TMEM154: variants seen among roughly 807,000 people sequenced by gnomAD.
The protein encoded by TMEM154 is transmembrane protein 154.
A neutral mutation model predicts 24.5 loss-of-function variants in TMEM154; 27 were observed. That is an observed-to-expected ratio of 1.10 (90% CI 0.81 to 1.52). The LOEUF is 1.52. Ranked by LOEUF, TMEM154 falls within the 40% of genes most tolerant of loss-of-function variation. TMEM154 has a pLI of 0.00. For missense variants in TMEM154, 228 were observed against 213.4 expected (o/e 1.07, Z -0.43); for synonymous variants, 67 against 76.8 (o/e 0.87, Z 0.67).
intron 6 of TMEM154, among the ~76,000 whole-genome samples, chr4:152,634,516 G>A (rs963714905): frequency 2.0e-5 from 3 of 152,168 alleles, no homozygotes; most frequent in Admixed American, 2.0e-4. Context: ...GAATGATTGA[G>A]GTAATGCATC....
chr4:152,638,828 G>C (rs1216693221), intron 6 of TMEM154, among the ~76,000 whole-genome samples: 2 of 152,210 alleles, frequency 1.3e-5, no homozygotes, highest in East Asian at 3.8e-4. Context: ...GTGAAGGCCT[G>C]ACAGCCATCC....
Position 152,626,689 on chromosome 4 carries a change from T to G in TMEM154, c.*1857A>C, listed in dbSNP as rs1444299969. On this transcript the variant is annotated 3_prime_UTR_variant, in exon 7 of 7. Transcript: ENST00000304385. Reference sequence around the variant, plus strand: ...CCCAGATGCCTCTCTGAGAAGTTCATTATTTGATAGGGTTGGATCAAATGT... The same window carrying G: ...CCCAGATGCCTCTCTGAGAAGTTCAGTATTTGATAGGGTTGGATCAAATGT... The G allele has an allele frequency of 6.6e-6, 1 of 152,218 alleles. No individual in the cohort carries two copies. The allele number at this position is 152,218 out of a possible 1,614,324, so 9.4% of individuals were successfully genotyped here. A position where few individuals can be genotyped will look rare whatever the true frequency, so the allele number is the denominator to read the frequency against.
At chr4:152,666,893 A>G (rs150710182) in intron 1 of TMEM154, 2,094 of 152,406 alleles carry the variant, frequency 0.014, 29 homozygotes, top group Non-Finnish European at 0.023. Flanking sequence ...ACCAATGCTC[A>G]GACTATAGAT....
intron 5 of TMEM154, chr4:152,641,274 G>A: frequency 2.9e-6 from 1 of 343,794 alleles, no homozygotes; most frequent in Non-Finnish European, 5.2e-6. Flanking sequence ...TGCTCCAAAA[G>A]CTAGAATCTG....
chr4:152,651,960 G>A (rs979953212), intron 3 of TMEM154, among the ~76,000 whole-genome samples: 1 of 152,200 alleles, frequency 6.6e-6, no homozygotes, highest in Non-Finnish European at 1.5e-5. Flanking sequence ...TCAGGGAATA[G>A]AGAGGCCTGA....
intron 6 of TMEM154, among the ~76,000 whole-genome samples, chr4:152,640,473 A>G (rs1752234405): frequency 6.6e-6 from 1 of 152,224 alleles, no homozygotes; most frequent in Admixed American, 6.5e-5. Flanking sequence ...TTTTCTATCA[A>G]CCAGAGCCAC....
chr4:152,660,756 A>G (rs1459081553), intron 1 of TMEM154, among the ~76,000 whole-genome samples: 19 of 152,180 alleles, frequency 1.2e-4, no homozygotes, highest in Admixed American at 1.2e-3. Context: ...TCCTCCGCCT[A>G]TACTAGGAGG....
Position 152,618,910 on chromosome 4 carries a change from G to T in TMEM154, c.*9636C>A, listed in dbSNP as rs557268398. 5 of 152,296 alleles carry T rather than the reference G, an allele frequency of 3.3e-5. No individual in the cohort carries two copies. Among genetic ancestry groups the T allele is most frequent in the African/African-American group, 1.2e-4 (5 of 41,558 alleles). The allele number at this position is 152,296 out of a possible 1,614,324, so 9.4% of individuals were successfully genotyped here. ...TAAACCAGGAAACTTGGGAGAAAAT[G>T]GTGATGGAAGATGAACAATACCATA... On this transcript the variant is annotated 3_prime_UTR_variant, in exon 7 of 7. Coordinates refer to ENST00000304385, the MANE Select transcript of TMEM154 (RefSeq NM_152680.3).
In TMEM154 at chr4:152,628,288, C is replaced by T. The variant is rs1751952762; in HGVS notation, c.*258G>A. 3.3e-6 allele frequency: 2 copies of T among 597,700 alleles called. No individual in the cohort carries two copies. Among genetic ancestry groups the T allele is most frequent in the Non-Finnish European group, 5.8e-6 (2 of 344,412 alleles). 37.0% of individuals were successfully genotyped at this position (597,700 alleles called of 1,614,324 possible). On this transcript the variant is annotated 3_prime_UTR_variant, in exon 7 of 7. Transcript: ENST00000304385. ...ATGTTGATCAGAAGTGAGCACATCA[C>T]CCGCCTCCTTCTCCACCCTCAGAGG...
intron 6 of TMEM154, among the ~76,000 whole-genome samples, chr4:152,638,196 G>T (rs775320359): frequency 6.6e-6 from 1 of 152,198 alleles, no homozygotes. Flanking sequence ...GGCCCAGGAG[G>T]TTGAGGCTAC....
intron 6 of TMEM154, among the ~76,000 whole-genome samples, chr4:152,635,274 T>C (rs1752126441): frequency 6.6e-6 from 1 of 152,218 alleles, no homozygotes. Flanking sequence ...AGTGTTCTTC[T>C]TTTTCTAATC....
At chr4:152,675,303 G>GA (rs1035675267) in intron 1 of TMEM154, among the ~76,000 whole-genome samples, 5 of 151,782 alleles carry the variant, frequency 3.3e-5, no homozygotes, top group Admixed American at 6.6e-5. Context: ...TAACACAAGG[G>GA]AAAAAAACCC....
rs1246527180 is a variant in TMEM154 at position 152,621,032 on chromosome 4, T to C, written c.*7514A>G. 6.6e-6 allele frequency: 1 copy of C among 152,276 alleles called. No homozygotes were observed. The highest frequency in any genetic ancestry group is 1.5e-5 in the Non-Finnish European group (1 of 68,056). 9.4% of individuals were successfully genotyped at this position (152,276 alleles called of 1,614,324 possible). ...AGATACCCAATATTCTTCCACCACT[T>C]TGTGAGACAGAATCCCTTATTGTTG... On this transcript the variant is annotated 3_prime_UTR_variant, in exon 7 of 7. Coordinates refer to ENST00000304385, the MANE Select transcript of TMEM154 (RefSeq NM_152680.3).
intron 1 of TMEM154, among the ~76,000 whole-genome samples, chr4:152,671,212 G>A (rs1333347282): frequency 6.6e-6 from 1 of 152,008 alleles, no homozygotes; most frequent in Non-Finnish European, 1.5e-5. Context: ...CTGTATTATA[G>A]GGCTCACGGT....
At chr4:152,632,877 A>T (rs1752075194) in intron 6 of TMEM154, among the ~76,000 whole-genome samples, 1 of 152,206 alleles carries the variant, frequency 6.6e-6, no homozygotes, top group South Asian at 2.1e-4. Context: ...CTCACCTGCA[A>T]AACATACATA....
intron 1 of TMEM154, among the ~76,000 whole-genome samples, chr4:152,673,028 TC>T (rs1411864923): frequency 6.6e-6 from 1 of 152,206 alleles, no homozygotes; most frequent in Non-Finnish European, 1.5e-5. Flanking sequence ...TGGACTACCA[TC>T]TTTTTGCTGA....
chr4:152,630,916 T>G (rs2149777463), intron 6 of TMEM154, among the ~76,000 whole-genome samples: 1 of 152,338 alleles, frequency 6.6e-6, no homozygotes, highest in East Asian at 1.9e-4. Context: ...AACATCTGTC[T>G]CTGCTAATAA....
chr4:152,628,339 T>C lies in TMEM154; in HGVS notation c.*207A>G, dbSNP rs1454945969. The C allele has an allele frequency of 3.6e-6, 3 of 842,010 alleles. No homozygotes were observed. Among genetic ancestry groups the C allele is most frequent in the East Asian group, 2.6e-5 (1 of 38,834 alleles). The allele number at this position is 842,010 out of a possible 1,614,324, so 52.2% of individuals were successfully genotyped here. On this transcript the variant is annotated 3_prime_UTR_variant, in exon 7 of 7. Transcript: ENST00000304385. ...CAGCGATGGATGGCAGCCAGGCCTT[T>C]TCCTAGTACTTCTCAATTGCACATT...
At chr4:152,632,970 C>A (rs896807818) in intron 6 of TMEM154, among the ~76,000 whole-genome samples, 1 of 151,992 alleles carries the variant, frequency 6.6e-6, no homozygotes, top group Non-Finnish European at 1.5e-5. Context: ...GACACACAGA[C>A]ACATGAATGA....
Sources: gnomAD v4.1 joint callset for allele counts (sites outside exome capture counted in the v4.1 genomes callset) on GRCh38, gnomAD v4.1.1 for gene constraint, MANE v1.5 for transcripts, NCBI Gene and HGNC (gene_info 2026-07-23, HGNC 2026-07-21) for gene names.